The following ARHGAP32 variants were observed in gnomAD, a reference collection of about 807,000 sequenced individuals.
ARHGAP32 encodes rho GTPase-activating protein 32.
Under a neutral mutation model 186.5 loss-of-function variants are expected in ARHGAP32, and 51 were observed. The ratio of observed to expected loss-of-function variants is 0.27; its 90% confidence interval spans 0.22 to 0.35. The LOEUF (loss-of-function observed/expected upper bound fraction) is 0.35, where lower values mean the gene tolerates loss of function less well. Ranked by LOEUF, ARHGAP32 falls within the 10% of genes least tolerant of loss-of-function variation. The probability of loss-of-function intolerance (pLI) is 1.00; values close to 1 mark genes in which losing one functional copy is unlikely to be tolerated. For synonymous variants in ARHGAP32, 950 were observed against 964.3 expected (o/e 0.99, Z 0.27); for missense variants, 2,186 against 2,623.5 (o/e 0.83, Z 3.64).
At chr11:128,993,014 C>T (rs1946102307) in intron 12 of ARHGAP32, among the ~76,000 whole-genome samples, 1 of 152,106 alleles carries the variant, frequency 6.6e-6, no homozygotes, top group Admixed American at 6.5e-5. Flanking sequence ...GCAGGGACCA[C>T]ACATAAAAGA....
chr11:129,181,032 T>C (rs1944043746), intron 1 of ARHGAP32, among the ~76,000 whole-genome samples: 1 of 152,154 alleles, frequency 6.6e-6, no homozygotes, highest in South Asian at 2.1e-4. Flanking sequence ...TCAAGACAAA[T>C]ATAGCATATT....
chr11:129,046,895 C>T (rs959633812), intron 10 of ARHGAP32, among the ~76,000 whole-genome samples: 6 of 152,094 alleles, frequency 3.9e-5, no homozygotes, highest in East Asian at 3.9e-4. Flanking sequence ...GAGGCCGAGG[C>T]GGGCGGATCA....
chr11:129,033,965 G>A (rs952010262), intron 11 of ARHGAP32, among the ~76,000 whole-genome samples: 26 of 152,142 alleles, frequency 1.7e-4, no homozygotes, highest in African/African-American at 2.9e-4. Context: ...TACCAACGTC[G>A]TAATTAGTGA....
chr11:129,066,703 C>G (rs767047022), intron 7 of ARHGAP32, 28 bp downstream of exon 7: 71 of 1,605,370 alleles, frequency 4.4e-5, no homozygotes, highest in Non-Finnish European at 6.0e-5. Context: ...TAGTGATTAC[C>G]TCTGTACTAA....
rs754890873 is a variant in ARHGAP32, at chr11:128,970,384, G to C, written c.4829C>G (p.Ser1610Cys). Residue 1610 changes from serine to cysteine, a missense_variant, in exon 23 of 23, where the codon TCT becomes TGT. Coordinates refer to ENST00000682385, the MANE Select transcript of ARHGAP32 (RefSeq NM_001378024.1). The surrounding 1 kb of genome is among the most constrained non-coding windows in gnomAD (Gnocchi z 5.8). ...AACTTCTGTCCGTGAAATGGGAACA[G>C]AGCGAATCATGGAAGACGGCGGAGC... The part of the protein sequence containing the change: ...LHAPPSSMIR[S>C]VPISRTEVPP... 6.8e-6 allele frequency: 11 copies of C among 1,614,116 alleles called. No homozygotes were observed. Among genetic ancestry groups the C allele is most frequent in the Middle Eastern group, 1.6e-4 (1 of 6,084 alleles).
intron 1 of ARHGAP32, among the ~76,000 whole-genome samples, chr11:129,238,605 T>G (rs950782748): frequency 1.3e-5 from 2 of 152,124 alleles, no homozygotes; most frequent in Non-Finnish European, 2.9e-5. Flanking sequence ...AAATTGGGTG[T>G]GGTGGCACGC....
At chr11:129,263,108 C>T (rs1945346342) in intron 1 of ARHGAP32, among the ~76,000 whole-genome samples, 1 of 151,926 alleles carries the variant, frequency 6.6e-6, no homozygotes, top group African/African-American at 2.4e-5. Flanking sequence ...AGTGGATCAA[C>T]GATCTAAACA....
intron 10 of ARHGAP32, among the ~76,000 whole-genome samples, chr11:129,043,381 CTTTTTTTTTTTTTT>C (rs1213682729): frequency 9.7e-6 from 1 of 103,336 alleles, no homozygotes; most frequent in African/African-American, 3.9e-5. Context: ...TTCTTTTTTT[CTTTTTTTTTTTTTT>C]TTTTTTGCGC....
chr11:128,974,514 A>C lies in ARHGAP32; in HGVS notation c.2683T>G (p.Ser895Ala), dbSNP rs758483619. 8.7e-6 allele frequency: 14 copies of C among 1,614,100 alleles called. No homozygotes were observed. The highest frequency in any genetic ancestry group is 1.2e-5 in the Non-Finnish European group (14 of 1,180,014). Residue 895 changes from serine (S) to alanine (A), a missense_variant, in exon 21 of 23, where the codon TCC becomes GCC. This residue lies in a region of ARHGAP32 where 1,502 missense variants were observed against 1,570.0 expected (regional missense o/e 0.96). Transcript: ENST00000682385. ...SPTEDKSSKP[S>A]SFTEKVVYAF... Reference sequence around the variant, plus strand: ...TAGACGACCTTTTCAGTAAAGGAGGATGGCTTAGATGATTTATCTTCAGTT... The same window carrying C: ...TAGACGACCTTTTCAGTAAAGGAGGCTGGCTTAGATGATTTATCTTCAGTT...
chr11:129,247,642 T>C (rs1945119198), intron 1 of ARHGAP32, among the ~76,000 whole-genome samples: 1 of 152,220 alleles, frequency 6.6e-6, no homozygotes, highest in Admixed American at 6.5e-5. Context: ...TTTCCATCCA[T>C]CTTTTGAAGC....
intron 5 of ARHGAP32, among the ~76,000 whole-genome samples, chr11:129,099,612 G>A (rs1437678612): frequency 6.6e-6 from 1 of 152,106 alleles, no homozygotes; most frequent in Non-Finnish European, 1.5e-5. Flanking sequence ...GATATTCCAT[G>A]CAAATTGAAA....
At chr11:129,040,735 G>A (rs1161389183) in intron 11 of ARHGAP32, among the ~76,000 whole-genome samples, 193 bp downstream of exon 11, 1 of 152,160 alleles carries the variant, frequency 6.6e-6, no homozygotes, top group African/African-American at 2.4e-5. Flanking sequence ...TTGAGTGCAT[G>A]TAAACCTTTT....
chr11:129,069,991 G>A (rs1240141243), intron 6 of ARHGAP32, among the ~76,000 whole-genome samples: 2 of 152,000 alleles, frequency 1.3e-5, no homozygotes, highest in Non-Finnish European at 2.9e-5. Flanking sequence ...ATCTTTGCTA[G>A]TTGGAATATC....
chr11:129,191,982 A>C (rs1944279535), intron 1 of ARHGAP32, 101 bp downstream of exon 1: 2 of 863,680 alleles, frequency 2.3e-6, no homozygotes, highest in African/African-American at 3.3e-5. Context: ...CAGAAAACAG[A>C]AAGTCTTATT....
rs148802603 is a variant in ARHGAP32 at position 129,053,615 on chromosome 11, T to C, written c.963+8665A>G. On this transcript the variant is annotated intron_variant, in intron 10 of 22. Coordinates refer to ENST00000682385, the MANE Select transcript of ARHGAP32 (RefSeq NM_001378024.1). ...ATACAGTGTAATGACAAAGGGCTAG[T>C]TGTTTAACCCTTTATGCTTTAGTTT... 5.8e-3 allele frequency among the ~76,000 whole-genome samples: 885 copies of C among 152,270 alleles called. 15 individuals carry two copies. Among genetic ancestry groups the C allele is most frequent in the Non-Finnish European group, 5.7e-3 (387 of 67,980 alleles).
chr11:129,213,611 ATGT>A (rs1944609505), intron 1 of ARHGAP32, among the ~76,000 whole-genome samples: 1 of 152,174 alleles, frequency 6.6e-6, no homozygotes, highest in Admixed American at 6.6e-5. Context: ...ATATTAAATG[ATGT>A]TAGTAACATT....
chr11:129,257,332 A>C (rs1420602475), intron 1 of ARHGAP32, among the ~76,000 whole-genome samples: 2 of 152,204 alleles, frequency 1.3e-5, no homozygotes, highest in African/African-American at 4.8e-5. Flanking sequence ...ATTTTTCTAA[A>C]GCATCTTTCA....
chr11:128,970,098 G>C lies in ARHGAP32; in HGVS notation c.5115C>G (p.Phe1705Leu). Residue 1705 changes from phenylalanine to leucine, a missense_variant, in exon 23 of 23, where the codon TTC (phenylalanine) becomes TTG (leucine). Phe to Leu is a conservative substitution (Grantham distance 22). Around this residue, in one of 5 missense-constraint regions of ARHGAP32, gnomAD observed 1,502 missense variants for 1,570.0 expected, o/e 0.96. Coordinates refer to ENST00000682385, the MANE Select transcript of ARHGAP32 (RefSeq NM_001378024.1). This position sits in a 1 kb window ranked among gnomAD's most constrained non-coding sequence, Gnocchi z 5.8. Reference protein sequence around the residue: ...LHRLPNRDFAFYNPRLQGKSL... With the variant: ...LHRLPNRDFALYNPRLQGKSL... The stretch of plus-strand genomic sequence containing the variant: ...TCTTTCCTTGCAGCCTAGGATTGTA[G>C]AAAGCAAAGTCTCGATTGGGAAGGC... 1.2e-6 allele frequency: 2 copies of C among 1,614,178 alleles called. No homozygotes were observed. Among genetic ancestry groups the C allele is most frequent in the Non-Finnish European group, 1.7e-6 (2 of 1,180,042 alleles).
chr11:129,167,291 C>CCAG (rs1943659753), intron 1 of ARHGAP32, among the ~76,000 whole-genome samples: 1 of 152,056 alleles, frequency 6.6e-6, no homozygotes, highest in South Asian at 2.1e-4. Flanking sequence ...ATGGCACAGC[C>CCAG]ACTGTGGAAA....
Sources: allele counts gnomAD v4.1 joint callset (sites outside exome capture counted in the v4.1 genomes callset), GRCh38; gene constraint gnomAD v4.1.1; regional missense constraint gnomAD v4.1.1; non-coding constraint Gnocchi (gnomAD v3.1); transcripts MANE v1.5; gene names NCBI Gene and HGNC (gene_info 2026-07-23, HGNC 2026-07-21).